ZW10: variants seen among roughly 807,000 people sequenced by gnomAD.
ZW10 encodes zw10 kinetochore protein.
In ZW10, 53 loss-of-function variants were observed where a neutral mutation model predicts 87.8. The observed-to-expected ratio is 0.60, with a 90% CI of 0.48 to 0.76. The LOEUF (loss-of-function observed/expected upper bound fraction) is 0.76. Among genes scored for constraint, ZW10 ranks in the 30% least tolerant of loss-of-function variants. The pLI, the probability that ZW10 is intolerant of heterozygous loss-of-function variation, is 0.00. For missense variants in ZW10, 837 were observed against 923.0 expected (o/e 0.91, Z 1.21); for synonymous variants, 312 against 329.2 (o/e 0.95, Z 0.57).
intron 6 of ZW10, among the ~76,000 whole-genome samples, chr11:113,758,080 G>A (rs1953812837): frequency 6.6e-6 from 1 of 152,120 alleles, no homozygotes; most frequent in African/African-American, 2.4e-5. Context: ...GGCTGAGGCA[G>A]GAGAACTGCC....
At chr11:113,741,178 C>T (rs1200831212) in intron 11 of ZW10, among the ~76,000 whole-genome samples, 2 of 151,750 alleles carry the variant, frequency 1.3e-5, no homozygotes, top group South Asian at 2.1e-4. Context: ...GAGGGTCTCA[C>T]TATGTTGCTC....
rs1953805716 is a variant in ZW10 at position 113,757,707 on chromosome 11, T to C, written c.880A>G (p.Thr294Ala). 2 of 1,612,440 alleles carry C rather than the reference T, an allele frequency of 1.2e-6. No individual in the cohort carries two copies. Among genetic ancestry groups the C allele is most frequent in the Admixed American group, 1.7e-5 (1 of 59,942 alleles). Residue 294 changes from threonine (T) to alanine (A), a missense_variant, in exon 7 of 16, where the codon ACA becomes GCA. Transcript: ENST00000200135. ...LEYPSPSEVF[T>A]KIRLVLEVLQ... ...ACTTCTAGTACCAGTCTGATCTTTG[T>C]AAAAACTTCAGATGGTGATGGATAT...
At chr11:113,769,036 C>A (rs1364661227) in intron 1 of ZW10, 69 bp from the exon 2 acceptor site, 1 of 1,508,674 alleles carries the variant, frequency 6.6e-7, no homozygotes, top group Non-Finnish European at 9.1e-7. Flanking sequence ...AGAATATATT[C>A]ATCTTCCACA....
chr11:113,750,071 ATAT>A (rs1953719217), intron 7 of ZW10, among the ~76,000 whole-genome samples: 1 of 152,172 alleles, frequency 6.6e-6, no homozygotes, highest in African/African-American at 2.4e-5. Context: ...TTTAATTATG[ATAT>A]TATTCTTTTT....
chr11:113,756,690 C>A (rs1020243762), intron 7 of ZW10, among the ~76,000 whole-genome samples: 1 of 152,202 alleles, frequency 6.6e-6, no homozygotes, highest in Admixed American at 6.5e-5. Flanking sequence ...GATTGGCTAT[C>A]TGACCAATTG....
intron 7 of ZW10, among the ~76,000 whole-genome samples, chr11:113,757,202 T>C (rs1346869617): frequency 6.6e-6 from 1 of 152,116 alleles, no homozygotes; most frequent in Admixed American, 6.6e-5. Context: ...AAACTGGCTG[T>C]GTCTAGTGTG....
At chr11:113,746,495 C>CA (rs566009326) in intron 9 of ZW10, among the ~76,000 whole-genome samples, 5,072 of 105,056 alleles carry the variant, frequency 0.048, 142 homozygotes, top group African/African-American at 0.088. Flanking sequence ...ACAAAACAGT[C>CA]AAAAAAAAAA....
chr11:113,765,227 A>G (rs1371417020), intron 2 of ZW10, among the ~76,000 whole-genome samples: 3 of 152,234 alleles, frequency 2.0e-5, no homozygotes, highest in African/African-American at 7.2e-5. Flanking sequence ...GGCTTCAATT[A>G]CTAAGTGCTG....
At chr11:113,768,208 C>A (rs1202931750) in intron 2 of ZW10, among the ~76,000 whole-genome samples, 2 of 152,202 alleles carry the variant, frequency 1.3e-5, no homozygotes, top group Non-Finnish European at 2.9e-5. Context: ...TTGAATATTT[C>A]TCCCATATGA....
At position 113,748,368 on chromosome 11, in the gene ZW10, C is replaced by T. The variant is rs142660886; in HGVS notation, c.978G>A (p.Leu326=). The change falls in exon 8 of 16, where the codon TTG becomes TTA. Residue 326 remains leucine, a synonymous_variant. Coordinates refer to ENST00000200135, the MANE Select transcript of ZW10 (RefSeq NM_004724.4). ...LENEKTSTVP[L]AEMLGDMIWE... ...AGATCATGTCTCCAAGCATCTCAGC[C>T]AATGGGACAGTAGATGTTTTTTCAT... 3.9e-4 allele frequency: 632 copies of T among 1,612,968 alleles called. No homozygotes were observed. Among genetic ancestry groups the T allele is most frequent in the Non-Finnish European group, 4.8e-4 (566 of 1,179,668 alleles).
intron 7 of ZW10, among the ~76,000 whole-genome samples, chr11:113,750,203 GAAGA>G: frequency 6.6e-6 from 1 of 152,198 alleles, no homozygotes; most frequent in East Asian, 1.9e-4. Context: ...AAAAAGACTA[GAAGA>G]AAGTATGTCA....
intron 9 of ZW10, among the ~76,000 whole-genome samples, chr11:113,746,158 C>G (rs2465651): frequency 6.6e-6 from 1 of 152,008 alleles, no homozygotes; most frequent in African/African-American, 2.4e-5. Context: ...ACTGCTGAGA[C>G]GTCCTGACCT....
At chr11:113,741,562 T>C in intron 11 of ZW10, 132 bp downstream of exon 11, 1 of 533,746 alleles carries the variant, frequency 1.9e-6, no homozygotes, top group South Asian at 3.8e-5. Context: ...TTTAAAATGA[T>C]TTACTGCATT....
chr11:113,737,462 G>A, intron 14 of ZW10, 110 bp downstream of exon 14: 1 of 1,051,046 alleles, frequency 9.5e-7, no homozygotes, highest in Non-Finnish European at 1.3e-6. Flanking sequence ...AAAACAGCAT[G>A]AGTTAGACAT....
intron 7 of ZW10, 112 bp from the exon 8 acceptor site, chr11:113,748,532 A>G: frequency 1.2e-6 from 1 of 864,030 alleles, no homozygotes; most frequent in South Asian, 2.0e-5. Flanking sequence ...AAAACAGCAC[A>G]GATAATTCCA....
intron 6 of ZW10, 115 bp downstream of exon 6, chr11:113,758,439 A>G (rs1188669009): frequency 3.5e-6 from 3 of 864,234 alleles, no homozygotes; most frequent in Non-Finnish European, 4.9e-6. Context: ...ATGAATCAAG[A>G]GGCCAGACCC....
intron 15 of ZW10, among the ~76,000 whole-genome samples, chr11:113,734,324 T>C (rs1487182917): frequency 6.6e-6 from 1 of 152,216 alleles, no homozygotes; most frequent in Non-Finnish European, 1.5e-5. Flanking sequence ...CATTAGAATT[T>C]AGGGAAATGC....
rs1303917487 is a variant in ZW10 at position 113,737,707 on chromosome 11, TAGA to T, written c.1885-7_1885-5del. ...GTCTCTTTAGTTGGTGCAGTACCTGTAGAAGAATACAGCTATTTACGTGGAAGA... is the reference window on the plus strand; with the variant it reads ...GTCTCTTTAGTTGGTGCAGTACCTGTAGAATACAGCTATTTACGTGGAAGA... On this transcript the variant is annotated splice_polypyrimidine_tract_variant and splice_region_variant and intron_variant, in intron 13 of 15. Transcript: ENST00000200135. The T allele has an allele frequency of 6.2e-7, 1 of 1,602,470 alleles. No individual in the cohort carries two copies. Among genetic ancestry groups the T allele is most frequent in the Non-Finnish European group, 8.5e-7 (1 of 1,173,256 alleles).
intron 9 of ZW10, among the ~76,000 whole-genome samples, chr11:113,746,619 C>A (rs1315342165): frequency 6.6e-6 from 1 of 151,060 alleles, no homozygotes; most frequent in African/African-American, 2.4e-5. Context: ...GAAAAATACA[C>A]CAAGGAAGGG....
Sources: gnomAD v4.1 joint callset for allele counts (sites outside exome capture counted in the v4.1 genomes callset) on GRCh38, gnomAD v4.1.1 for gene constraint, MANE v1.5 for transcripts, NCBI Gene and HGNC (gene_info 2026-07-23, HGNC 2026-07-21) for gene names.